The following ZNF215 variants were observed in gnomAD, a reference collection of about 807,000 sequenced individuals.
The protein encoded by ZNF215 is zinc finger protein 215, also known as BWSCR2-associated zinc finger protein 2.
ZNF215 carries 24 observed loss-of-function variants against 27.2 expected under a neutral mutation model. The observed-to-expected ratio is 0.88, with a 90% CI of 0.64 to 1.24. The LOEUF is 1.24. ZNF215 is among the 50% of genes most tolerant of loss of function. ZNF215 has a pLI of 0.00. For synonymous variants in ZNF215, 210 were observed against 204.0 expected, an observed-to-expected ratio of 1.03 and a Z score of -0.25; for missense variants, 675 against 605.7, an observed-to-expected ratio of 1.11 and a Z score of -1.20.
chr11:6,985,530 G>A (rs191524866), downstream of ZNF215, among the ~76,000 whole-genome samples: 22 of 152,256 alleles, frequency 1.4e-4, no homozygotes, highest in African/African-American at 5.3e-4. Context: ...CTTAGTAGTG[G>A]AAGTCCTAGC....
At chr11:6,944,760 T>C (rs145155116) in intron 6 of ZNF215, among the ~76,000 whole-genome samples, 6 of 152,346 alleles carry the variant, frequency 3.9e-5, no homozygotes, top group Admixed American at 3.3e-4. Flanking sequence ...GAATATTTCT[T>C]TTCTGAAATT....
intron 6 of ZNF215, among the ~76,000 whole-genome samples, chr11:6,953,274 G>T (rs569304808): frequency 6.6e-5 from 10 of 152,282 alleles, no homozygotes; most frequent in African/African-American, 2.4e-4. Flanking sequence ...GAATCTGAAT[G>T]TTGGCCTGCC....
chr11:6,929,234 A>AT (rs1849169882), intron 2 of ZNF215, among the ~76,000 whole-genome samples: 1 of 152,192 alleles, frequency 6.6e-6, no homozygotes. Flanking sequence ...AGAGAAAAAA[A>AT]GTTTCTAAAT....
At chr11:6,950,051 G>T (rs1260719978) in intron 6 of ZNF215, among the ~76,000 whole-genome samples, 1 of 151,586 alleles carries the variant, frequency 6.6e-6, no homozygotes, top group African/African-American at 2.4e-5. Context: ...GTAGATATGC[G>T]GCGTTATTTC....
At chr11:6,944,607 A>G (rs1849751179) in intron 6 of ZNF215, among the ~76,000 whole-genome samples, 1 of 152,132 alleles carries the variant, frequency 6.6e-6, no homozygotes, top group African/African-American at 2.4e-5. Flanking sequence ...GAGAAAATAA[A>G]ATTGTGATAT....
In ZNF215 at chr11:6,932,395, A is replaced by T; in HGVS notation, c.123A>T (p.Thr41=). The T allele has an allele frequency of 1.9e-6, 3 of 1,614,200 alleles. No individual in the cohort carries two copies. The highest frequency in any genetic ancestry group is 2.2e-5 in the East Asian group (1 of 44,886). ...WQQETNPVVE[T]HDSEASRQKF... ...AGGAAACCAACCCCGTCGTGGAGAC[A>T]CATGACTCTGAGGCATCTCGTCAAA... is the stretch of plus-strand genomic sequence containing the variant. Residue 41 remains threonine (T), a synonymous_variant, in exon 3 of 7, where the codon ACA becomes ACT. Coordinates refer to ENST00000278319, the MANE Select transcript of ZNF215 (RefSeq NM_013250.4).
intron 5 of ZNF215, among the ~76,000 whole-genome samples, chr11:6,982,979 T>G (rs1850989615): frequency 6.7e-6 from 1 of 149,572 alleles, no homozygotes; most frequent in African/African-American, 2.5e-5. Context: ...GCTGGTTTTT[T>G]GAAAGGATCA....
intron 6 of ZNF215, among the ~76,000 whole-genome samples, chr11:6,953,371 C>G (rs1834395682): frequency 6.6e-6 from 1 of 152,224 alleles, no homozygotes; most frequent in Admixed American, 6.5e-5. Context: ...TTCAGATACA[C>G]CAATCAGACG....
downstream of ZNF215, among the ~76,000 whole-genome samples, chr11:6,992,652 A>C (rs1217312981): frequency 6.6e-6 from 1 of 152,242 alleles, no homozygotes. Context: ...CAAGGGGCCC[A>C]TAGAATCAAC....
intron 3 of ZNF215, among the ~76,000 whole-genome samples, chr11:6,940,879 A>T: frequency 6.6e-6 from 1 of 152,246 alleles, no homozygotes; most frequent in East Asian, 1.9e-4. Context: ...AATAAATGTA[A>T]TGTTTTAACA....
chr11:6,970,734 C>A (rs1469106456), intron 5 of ZNF215, among the ~76,000 whole-genome samples: 2 of 152,134 alleles, frequency 1.3e-5, no homozygotes, highest in East Asian at 1.9e-4. Flanking sequence ...AAATAACTTA[C>A]CCTCTCTATC....
intron 5 of ZNF215, among the ~76,000 whole-genome samples, chr11:6,971,353 A>G (rs1850714555): frequency 6.6e-6 from 1 of 152,152 alleles, no homozygotes; most frequent in African/African-American, 2.4e-5. Flanking sequence ...TCCATGGCAG[A>G]GTTGTTGCTC....
intron 5 of ZNF215, among the ~76,000 whole-genome samples, chr11:6,966,338 T>TGGAG (rs1204507469): frequency 6.6e-6 from 1 of 151,822 alleles, no homozygotes; most frequent in African/African-American, 2.4e-5. Flanking sequence ...GGGTGGAGGG[T>TGGAG]GGTATGAGGA....
chr11:6,936,116 A>C (rs1849427809), intron 3 of ZNF215, among the ~76,000 whole-genome samples: 1 of 152,066 alleles, frequency 6.6e-6, no homozygotes, highest in Non-Finnish European at 1.5e-5. Context: ...TAGAAAAAGA[A>C]AACCTAAAAG....
chr11:6,940,462 A>G (rs1362016220), intron 3 of ZNF215, among the ~76,000 whole-genome samples: 1 of 151,956 alleles, frequency 6.6e-6, no homozygotes, highest in Non-Finnish European at 1.5e-5. Flanking sequence ...ACACCACCAC[A>G]CCTGGCTAAT....
At chr11:6,967,924 T>TA (rs1435558285) in intron 5 of ZNF215, among the ~76,000 whole-genome samples, 1 of 152,128 alleles carries the variant, frequency 6.6e-6, no homozygotes, top group East Asian at 1.9e-4. Flanking sequence ...TTTTAGGTCT[T>TA]ACGTTTGTCT....
intron 5 of ZNF215, among the ~76,000 whole-genome samples, chr11:6,964,632 T>C (rs1191592666): frequency 2.6e-5 from 4 of 151,980 alleles, no homozygotes; most frequent in Admixed American, 6.6e-5. Context: ...CATTAGTCTC[T>C]TGATTAATGA....
At chr11:6,938,419 T>C (rs1161991323) in intron 3 of ZNF215, among the ~76,000 whole-genome samples, 3 of 152,062 alleles carry the variant, frequency 2.0e-5, no homozygotes, top group South Asian at 2.1e-4. Context: ...AAAAACACTT[T>C]GGTGGTTCCT....
downstream of ZNF215, among the ~76,000 whole-genome samples, chr11:6,988,012 ATATC>A (rs534556652): frequency 3.5e-3 from 540 of 152,306 alleles, 3 homozygotes; most frequent in African/African-American, 0.012. Context: ...CTTATCAACT[ATATC>A]TAAGAACATT....
Sources: gnomAD v4.1 joint callset for allele counts (sites outside exome capture counted in the v4.1 genomes callset) on GRCh38, gnomAD v4.1.1 for gene constraint, MANE v1.5 for transcripts, NCBI Gene and HGNC (gene_info 2026-07-23, HGNC 2026-07-21) for gene names.